Variants in TBC1D14 observed in about 807,000 individuals in gnomAD.
TBC1D14 encodes TBC1 domain family member 14.
In TBC1D14, 26 loss-of-function variants were observed where a neutral mutation model predicts 79.0. The observed-to-expected ratio is 0.33, with a 90% CI of 0.24 to 0.46. The LOEUF (loss-of-function observed/expected upper bound fraction) is 0.46. Ranked by LOEUF, TBC1D14 falls within the 20% of genes least tolerant of loss-of-function variation. The pLI is 1.00. For missense variants in TBC1D14, 769 were observed against 887.6 expected, an observed-to-expected ratio of 0.87 and a Z score of 1.70; for synonymous variants, 394 against 349.9, an observed-to-expected ratio of 1.13 and a Z score of -1.40.
chr4:6,935,451 G>A (rs928945149), intron 2 of TBC1D14, among the ~76,000 whole-genome samples: 2 of 152,102 alleles, frequency 1.3e-5, no homozygotes, highest in African/African-American at 2.4e-5. Flanking sequence ...GCAGGCGCCT[G>A]GGAGAGGATG....
chr4:6,994,653 G>T (rs1718827944), intron 4 of TBC1D14, among the ~76,000 whole-genome samples: 1 of 152,078 alleles, frequency 6.6e-6, no homozygotes, highest in Non-Finnish European at 1.5e-5. Flanking sequence ...TTGGAGACCA[G>T]CCTGGCCAAC....
At chr4:7,027,311 C>T (rs1358248697) in intron 13 of TBC1D14, among the ~76,000 whole-genome samples, 5 of 139,122 alleles carry the variant, frequency 3.6e-5, no homozygotes, top group African/African-American at 1.1e-4. Flanking sequence ...ACACATCACA[C>T]ACCTATACGT....
intron 2 of TBC1D14, among the ~76,000 whole-genome samples, chr4:6,927,535 C>T (rs6852468): frequency 0.45 from 67,733 of 152,034 alleles, 16,161 homozygotes; most frequent in East Asian, 0.66. Flanking sequence ...CTAAAAAATA[C>T]TTTTTCTAAA....
chr4:7,023,111 G>A (rs763617313), intron 12 of TBC1D14, among the ~76,000 whole-genome samples: 1 of 151,936 alleles, frequency 6.6e-6, no homozygotes, highest in South Asian at 2.1e-4. Flanking sequence ...AAAATTAGCC[G>A]GGCATGGTCG....
chr4:7,009,855 T>C, intron 9 of TBC1D14, 22 bp from the exon 10 acceptor site: 2 of 1,613,974 alleles, frequency 1.2e-6, no homozygotes, highest in South Asian at 2.2e-5. Context: ...ATGTGTTGTT[T>C]TTGCTGTGTT....
At chr4:6,960,956 T>G (rs890842576) in intron 2 of TBC1D14, among the ~76,000 whole-genome samples, 4 of 152,210 alleles carry the variant, frequency 2.6e-5, no homozygotes, top group Non-Finnish European at 5.9e-5. Flanking sequence ...GAAGGTCCTT[T>G]TGTCCCAGTT....
rs141839604 is a variant in TBC1D14, at chr4:6,934,690, T to C, written c.722+10579T>C. ...CAAAAAAGGAAAAAATGAAAAGAAT[T>C]GACTGTTTAGCAATGAGGAGGCCAT... On this transcript the variant is annotated intron_variant, in intron 2 of 13. Coordinates refer to ENST00000409757, the MANE Select transcript of TBC1D14 (RefSeq NM_020773.3). 2.9e-3 allele frequency among the ~76,000 whole-genome samples: 440 copies of C among 151,742 alleles called. 10 individuals are homozygous for C. The highest frequency in any genetic ancestry group is 0.024 in the Admixed American group (364 of 15,254).
intron 13 of TBC1D14, among the ~76,000 whole-genome samples, chr4:7,026,286 C>G (rs879701484): frequency 6.6e-6 from 1 of 152,142 alleles, no homozygotes; most frequent in East Asian, 1.9e-4. Context: ...TGCCTCCCAC[C>G]TCTCCCCTTC....
At chr4:7,017,695 C>T (rs1314864799) in intron 12 of TBC1D14, among the ~76,000 whole-genome samples, 1 of 152,198 alleles carries the variant, frequency 6.6e-6, no homozygotes, top group Non-Finnish European at 1.5e-5. Flanking sequence ...AGGCCTTATT[C>T]TTGAAGTGCT....
At chr4:6,916,344 T>G (rs1723399555) in intron 1 of TBC1D14, among the ~76,000 whole-genome samples, 1 of 151,248 alleles carries the variant, frequency 6.6e-6, no homozygotes, top group Non-Finnish European at 1.5e-5. Context: ...GCGAAGAGGC[T>G]TCCGGTGGAT....
At chr4:7,022,158 G>C (rs900509979) in intron 12 of TBC1D14, among the ~76,000 whole-genome samples, 1 of 152,282 alleles carries the variant, frequency 6.6e-6, no homozygotes, top group African/African-American at 2.4e-5. Context: ...AGACTGTGGG[G>C]CGGGGTCTCT....
intron 3 of TBC1D14, among the ~76,000 whole-genome samples, chr4:6,968,688 C>CGCTGGGAGGAGGCTGACT (rs1715928462): frequency 6.9e-6 from 1 of 144,360 alleles, no homozygotes; most frequent in African/African-American, 2.5e-5. Flanking sequence ...GGAGGCTGAC[C>CGCTGGGAGGAGGCTGACT]GCCGAGAGGA....
At position 6,996,293 on chromosome 4, in the gene TBC1D14, T is replaced by C. The variant is rs778172452; in HGVS notation, c.963-32T>C. 9.5e-6 allele frequency: 15 copies of C among 1,578,606 alleles called. No individual in the cohort carries two copies. The African/African-American group carries it at 1.3e-4, about 14-fold the overall frequency. On this transcript the variant is annotated intron_variant, in intron 4 of 13. Coordinates refer to ENST00000409757, the MANE Select transcript of TBC1D14 (RefSeq NM_020773.3). ...CTGAAAGACTTCTATGCGGTATTTA[T>C]AATGGTGAAAACTCATTTCTTTCCT...
intron 3 of TBC1D14, among the ~76,000 whole-genome samples, chr4:6,968,879 G>C (rs941532884): frequency 4.6e-5 from 7 of 152,258 alleles, no homozygotes; most frequent in Non-Finnish European, 1.0e-4. Flanking sequence ...GTCTGGCCCA[G>C]TGCTGCGTCG....
At chr4:6,945,878 C>A (rs937821637) in intron 2 of TBC1D14, among the ~76,000 whole-genome samples, 1 of 151,186 alleles carries the variant, frequency 6.6e-6, no homozygotes, top group Non-Finnish European at 1.5e-5. Context: ...GTAGGATTAC[C>A]TGGCAAACTT....
chr4:6,989,006 T>C (rs1489387126), intron 3 of TBC1D14, among the ~76,000 whole-genome samples: 2 of 151,172 alleles, frequency 1.3e-5, no homozygotes, highest in Non-Finnish European at 2.9e-5. Context: ...TCTTGAGTAG[T>C]TGGGACCACA....
At chr4:6,917,011 A>T (rs138572701) in intron 1 of TBC1D14, among the ~76,000 whole-genome samples, 2 of 152,338 alleles carry the variant, frequency 1.3e-5, no homozygotes, top group African/African-American at 4.8e-5. Context: ...ATGTGTTGAC[A>T]GCGTTCCTCA....
At chr4:6,952,804 A>T (rs1714162584) in intron 2 of TBC1D14, among the ~76,000 whole-genome samples, 1 of 151,970 alleles carries the variant, frequency 6.6e-6, no homozygotes. Context: ...GAACCAACCC[A>T]TAGTGCATGC....
intron 3 of TBC1D14, chr4:6,987,266 C>G: frequency 7.7e-7 from 1 of 1,303,078 alleles, no homozygotes; most frequent in Non-Finnish European, 9.8e-7. Context: ...CGCCCGCGGT[C>G]CGGGAGGGAG....
Sources: gnomAD v4.1 joint callset for allele counts (sites outside exome capture counted in the v4.1 genomes callset) on GRCh38, gnomAD v4.1.1 for gene constraint, MANE v1.5 for transcripts, NCBI Gene and HGNC (gene_info 2026-07-23, HGNC 2026-07-21) for gene names.